Variants in SEMA3E observed in about 807,000 individuals in gnomAD.
SEMA3E encodes semaphorin 3E.
In SEMA3E, 49 loss-of-function variants were observed where a neutral mutation model predicts 93.6. That is an observed-to-expected ratio of 0.52 (90% CI 0.42 to 0.66). SEMA3E has a LOEUF of 0.66. Among genes scored for constraint, SEMA3E ranks in the 30% least tolerant of loss-of-function variants. SEMA3E has a pLI of 0.00. For missense variants in SEMA3E, 906 were observed against 964.8 expected (o/e 0.94, Z 0.81); for synonymous variants, 363 against 330.7 (o/e 1.10, Z -1.06).
chr7:83,569,857 G>C (rs1008189623), intron 1 of SEMA3E, among the ~76,000 whole-genome samples: 1 of 152,096 alleles, frequency 6.6e-6, no homozygotes, highest in African/African-American at 2.4e-5. Context: ...TAAACTCAAT[G>C]CTTGACACAC....
intron 1 of SEMA3E, among the ~76,000 whole-genome samples, chr7:83,607,211 A>T (rs1478619740): frequency 6.6e-6 from 1 of 152,248 alleles, no homozygotes; most frequent in East Asian, 1.9e-4. Context: ...TCAACCAGTC[A>T]GTTATTGTGT....
chr7:83,394,392 C>T (rs1788079777), intron 12 of SEMA3E, 54 bp from the exon 13 acceptor site: 1 of 1,447,188 alleles, frequency 6.9e-7, no homozygotes, highest in South Asian at 1.2e-5. Context: ...AAACATTTAC[C>T]TTAATATGGT....
At chr7:83,515,349 CTTGAG>C (rs1445175263) in intron 1 of SEMA3E, among the ~76,000 whole-genome samples, 69 of 150,084 alleles carry the variant, frequency 4.6e-4, no homozygotes, top group African/African-American at 1.6e-3. Flanking sequence ...TTACAAATTA[CTTGAG>C]TTAAGATGAG....
chr7:83,565,607 G>T (rs1434663701), intron 1 of SEMA3E, among the ~76,000 whole-genome samples: 1 of 152,142 alleles, frequency 6.6e-6, no homozygotes, highest in African/African-American at 2.4e-5. Flanking sequence ...TGTGCTTTCT[G>T]ATCTTTTATC....
At chr7:83,408,722 A>C (rs1463412106) in intron 5 of SEMA3E, among the ~76,000 whole-genome samples, 3 of 152,162 alleles carry the variant, frequency 2.0e-5, no homozygotes, top group Non-Finnish European at 4.4e-5. Context: ...TTCCTCATTT[A>C]GAAATTAGAA....
rs1788206890 is a variant in SEMA3E, at chr7:83,400,049, C to T, written c.1345G>A (p.Asp449Asn). 1 of 1,612,856 alleles carries T rather than the reference C, an allele frequency of 6.2e-7. No homozygotes were observed. Among genetic ancestry groups the T allele is most frequent in the Non-Finnish European group, 8.5e-7 (1 of 1,178,992 alleles). Residue 449 changes from aspartate to asparagine, a missense_variant, in exon 11 of 17, where the codon GAC becomes AAC. By Grantham distance (23) the Asp-to-Asn change is conservative. Coordinates refer to ENST00000643230, the MANE Select transcript of SEMA3E (RefSeq NM_012431.3). ...DRVEAEDGQY[D>N]VLFIGTDNGI... is the part of the protein sequence containing the mutation. Reference sequence around the variant, plus strand: ...TTACCTGTCCCAATAAACAAGACGTCATATTGGCCATCCTCAGCTTCCACT... The same window carrying T: ...TTACCTGTCCCAATAAACAAGACGTTATATTGGCCATCCTCAGCTTCCACT...
intron 1 of SEMA3E, among the ~76,000 whole-genome samples, chr7:83,629,794 G>T (rs927510004): frequency 6.6e-6 from 1 of 152,206 alleles, no homozygotes; most frequent in African/African-American, 2.4e-5. Context: ...CCAGGGGAGC[G>T]AACGGATCTG....
chr7:83,438,942 G>A (rs1377612056), intron 4 of SEMA3E, among the ~76,000 whole-genome samples: 1 of 152,146 alleles, frequency 6.6e-6, no homozygotes, highest in South Asian at 2.1e-4. Context: ...TCTCTTCTGT[G>A]TCTTTCCTGA....
At chr7:83,591,186 T>C (rs1792750894) in intron 1 of SEMA3E, among the ~76,000 whole-genome samples, 1 of 150,562 alleles carries the variant, frequency 6.6e-6, no homozygotes, top group Non-Finnish European at 1.5e-5. Flanking sequence ...AGAAATACAA[T>C]TTACAAAATT....
chr7:83,529,192 G>A (rs1791231564), intron 1 of SEMA3E, among the ~76,000 whole-genome samples: 4 of 152,168 alleles, frequency 2.6e-5, no homozygotes, highest in African/African-American at 9.6e-5. Context: ...TTGATAAAGG[G>A]GATGAAAGGT....
At chr7:83,507,544 G>T (rs983236013) in intron 1 of SEMA3E, among the ~76,000 whole-genome samples, 15 of 151,616 alleles carry the variant, frequency 9.9e-5, no homozygotes, top group African/African-American at 3.6e-4. Context: ...GAACCTGAAT[G>T]TTGGGAGAGC....
chr7:83,494,720 T>C (rs914727694), intron 1 of SEMA3E, among the ~76,000 whole-genome samples: 14 of 151,994 alleles, frequency 9.2e-5, no homozygotes, highest in Non-Finnish European at 1.9e-4. Flanking sequence ...TCTAAAGGGC[T>C]TATTATTTAG....
At chr7:83,613,641 A>G (rs1054166242) in intron 1 of SEMA3E, among the ~76,000 whole-genome samples, 3 of 152,116 alleles carry the variant, frequency 2.0e-5, no homozygotes, top group Non-Finnish European at 4.4e-5. Flanking sequence ...GCACATTTCA[A>G]TTGTTTGGAT....
At chr7:83,624,828 G>T (rs1243741984) in intron 1 of SEMA3E, among the ~76,000 whole-genome samples, 1 of 152,098 alleles carries the variant, frequency 6.6e-6, no homozygotes, top group Non-Finnish European at 1.5e-5. Flanking sequence ...GTATTGCCTA[G>T]GTTTTCGCCT....
chr7:83,541,434 G>A (rs1019562107), intron 1 of SEMA3E, among the ~76,000 whole-genome samples: 1 of 152,108 alleles, frequency 6.6e-6, no homozygotes, highest in African/African-American at 2.4e-5. Context: ...TGAGAAATTG[G>A]AGATGTTTCG....
At chr7:83,633,079 TAA>T (rs1793818317) in intron 1 of SEMA3E, among the ~76,000 whole-genome samples, 1 of 152,188 alleles carries the variant, frequency 6.6e-6, no homozygotes, top group Non-Finnish European at 1.5e-5. Context: ...AAATAAGACG[TAA>T]AATGCTAAAT....
At chr7:83,568,602 C>T (rs1051024815) in intron 1 of SEMA3E, among the ~76,000 whole-genome samples, 4 of 151,938 alleles carry the variant, frequency 2.6e-5, no homozygotes, top group South Asian at 2.1e-4. Flanking sequence ...TACATAACAT[C>T]GGTAGAATGA....
chr7:83,385,866 A>T lies in SEMA3E; in HGVS notation c.1736-433T>A, dbSNP rs1584208373. Among the ~76,000 whole-genome samples the T allele has an allele frequency of 2.0e-5, 3 of 152,296 alleles. No individual in the cohort carries two copies. In the South Asian group the frequency reaches 6.2e-4, roughly 32 times the overall value. On this transcript the variant is annotated intron_variant, in intron 15 of 16. Transcript: ENST00000643230. Reference sequence around the variant, plus strand: ...CACAAATGTGGATTATATCTTGACAAGGGATTGCATTTATCTGGGTGTTGG... The same window carrying T: ...CACAAATGTGGATTATATCTTGACATGGGATTGCATTTATCTGGGTGTTGG...
intron 1 of SEMA3E, among the ~76,000 whole-genome samples, chr7:83,561,140 A>T (rs1034455116): frequency 2.6e-5 from 4 of 152,098 alleles, no homozygotes; most frequent in African/African-American, 9.7e-5. Flanking sequence ...ATTTGTATTT[A>T]TCAAATTGTG....
Sources: allele counts gnomAD v4.1 joint callset (sites outside exome capture counted in the v4.1 genomes callset), GRCh38; gene constraint gnomAD v4.1.1; transcripts MANE v1.5; gene names NCBI Gene and HGNC (gene_info 2026-07-23, HGNC 2026-07-21).